Variants in HS3ST4 observed in about 807,000 individuals in gnomAD.
The protein encoded by HS3ST4 is heparan sulfate glucosamine 3-O-sulfotransferase 4.
A neutral mutation model predicts 29.2 loss-of-function variants in HS3ST4; 17 were observed. The ratio of observed to expected loss-of-function variants is 0.58; its 90% confidence interval spans 0.40 to 0.87. The LOEUF (loss-of-function observed/expected upper bound fraction) is 0.87, where lower values mean the gene tolerates loss of function less well. Among genes scored for constraint, HS3ST4 ranks in the 40% least tolerant of loss-of-function variants. HS3ST4 has a pLI of 0.00. For missense variants in HS3ST4, 627 were observed against 634.5 expected (o/e 0.99, Z 0.13); for synonymous variants, 314 against 285.7 (o/e 1.10, Z -1.00).
intron 1 of HS3ST4, among the ~76,000 whole-genome samples, chr16:26,134,362 C>CT (rs60068546): frequency 0.014 from 1,098 of 76,748 alleles, 16 homozygotes; most frequent in Non-Finnish European, 0.023. Context: ...CTTTTCTTTT[C>CT]TTTTTTTTTT....
At chr16:26,039,876 G>T (rs191639956) in intron 1 of HS3ST4, among the ~76,000 whole-genome samples, 1 of 152,184 alleles carries the variant, frequency 6.6e-6, no homozygotes, top group East Asian at 1.9e-4. Flanking sequence ...ATTGCATGGC[G>T]ATTTTGTCAG....
intron 1 of HS3ST4, among the ~76,000 whole-genome samples, chr16:25,958,357 A>C (rs751439008): frequency 2.6e-5 from 4 of 152,100 alleles, no homozygotes; most frequent in Non-Finnish European, 5.9e-5. Context: ...CTTGAGAAGG[A>C]GTCTTGCCCT....
intron 1 of HS3ST4, among the ~76,000 whole-genome samples, chr16:25,901,331 G>A (rs985107341): frequency 3.3e-5 from 5 of 152,158 alleles, no homozygotes; most frequent in African/African-American, 4.8e-5. Context: ...AATATCCCAC[G>A]TCCAGCTCCA....
chr16:26,102,530 C>A (rs746641468), intron 1 of HS3ST4, among the ~76,000 whole-genome samples: 30 of 152,276 alleles, frequency 2.0e-4, no homozygotes, highest in Admixed American at 3.9e-4. Flanking sequence ...TGTAAAATGC[C>A]ATTCCTTGAA....
intron 1 of HS3ST4, among the ~76,000 whole-genome samples, chr16:25,956,087 A>AT (rs1968729153): frequency 6.6e-6 from 1 of 152,186 alleles, no homozygotes; most frequent in Non-Finnish European, 1.5e-5. Flanking sequence ...AAGTGCTGGG[A>AT]TTACGGGTGT....
At chr16:25,774,034 C>A (rs1966845288) in intron 1 of HS3ST4, among the ~76,000 whole-genome samples, 1 of 152,098 alleles carries the variant, frequency 6.6e-6, no homozygotes, top group African/African-American at 2.4e-5. Context: ...CTTGTGGGAG[C>A]TCCTAGGAAG....
chr16:26,028,748 AGTT>A (rs10584548), intron 1 of HS3ST4, among the ~76,000 whole-genome samples: 16,523 of 152,202 alleles, frequency 0.11, 2,224 homozygotes, highest in African/African-American at 0.31. Context: ...GATATTGAAC[AGTT>A]GTTGACATAT....
intron 1 of HS3ST4, among the ~76,000 whole-genome samples, chr16:26,095,123 T>TA (rs1898907237): frequency 6.6e-6 from 1 of 152,176 alleles, no homozygotes; most frequent in African/African-American, 2.4e-5. Flanking sequence ...AAACAAGTTT[T>TA]TAGAGACCTA....
rs549400678 is a variant in HS3ST4, at chr16:25,805,106, G to A, written c.734+111955G>A. ...TTGGTTGATTGCTTGGATGAGTGGTGTCAACCTAAAAAATTTTCAGAGGAA... is the reference window on the plus strand; with the variant it reads ...TTGGTTGATTGCTTGGATGAGTGGTATCAACCTAAAAAATTTTCAGAGGAA... On this transcript the variant is annotated intron_variant, in intron 1 of 1. Transcript: ENST00000331351. 2.6e-5 allele frequency among the ~76,000 whole-genome samples: 4 copies of A among 152,150 alleles called. No individual in the cohort carries two copies. The East Asian group carries it at 7.8e-4, about 30-fold the overall frequency.
At chr16:25,915,911 G>A (rs1968288985) in intron 1 of HS3ST4, among the ~76,000 whole-genome samples, 1 of 152,186 alleles carries the variant, frequency 6.6e-6, no homozygotes, top group African/African-American at 2.4e-5. Context: ...AGTTGTTGGA[G>A]GATTAAGTGA....
At chr16:25,799,725 G>A (rs1337055860) in intron 1 of HS3ST4, among the ~76,000 whole-genome samples, 1 of 152,148 alleles carries the variant, frequency 6.6e-6, no homozygotes, top group African/African-American at 2.4e-5. Flanking sequence ...CTACATGGTT[G>A]TTAGGGCTAA....
chr16:25,870,158 C>A (rs570007948), intron 1 of HS3ST4, among the ~76,000 whole-genome samples: 12 of 152,120 alleles, frequency 7.9e-5, no homozygotes, highest in African/African-American at 2.6e-4. Flanking sequence ...TCCATCTATC[C>A]ATCATTTGCC....
intron 1 of HS3ST4, among the ~76,000 whole-genome samples, chr16:26,042,211 G>A (rs1238367841): frequency 6.6e-6 from 1 of 152,182 alleles, no homozygotes; most frequent in African/African-American, 2.4e-5. Context: ...CAGACTGAAT[G>A]TTGACAGAGA....
At chr16:25,762,320 A>G (rs60812203) in intron 1 of HS3ST4, among the ~76,000 whole-genome samples, 21,857 of 152,204 alleles carry the variant, frequency 0.14, 1,674 homozygotes, top group African/African-American at 0.2. Flanking sequence ...GTCAGATTCC[A>G]GAGCCCATAC....
intron 1 of HS3ST4, among the ~76,000 whole-genome samples, chr16:25,917,430 C>G (rs1188078958): frequency 1.3e-5 from 2 of 152,100 alleles, no homozygotes; most frequent in Admixed American, 1.3e-4. Context: ...CCAGGCTGGT[C>G]TTGAACTCCT....
chr16:26,035,573 A>G (rs1375190840), intron 1 of HS3ST4, among the ~76,000 whole-genome samples: 1 of 152,214 alleles, frequency 6.6e-6, no homozygotes, highest in African/African-American at 2.4e-5. Context: ...TCAGTCTCCC[A>G]TATATAATTA....
chr16:26,057,734 C>T (rs1225885903), intron 1 of HS3ST4, among the ~76,000 whole-genome samples: 2 of 151,442 alleles, frequency 1.3e-5, no homozygotes, highest in Non-Finnish European at 2.9e-5. Context: ...CAGAATGAGG[C>T]TCTGTCTCTA....
intron 1 of HS3ST4, among the ~76,000 whole-genome samples, chr16:25,971,447 T>G (rs757073505): frequency 6.6e-6 from 1 of 152,192 alleles, no homozygotes; most frequent in Non-Finnish European, 1.5e-5. Context: ...CAGAGGCTAC[T>G]TTTTAGTAAA....
chr16:25,876,335 G>A (rs1037676925), intron 1 of HS3ST4, among the ~76,000 whole-genome samples: 15 of 152,110 alleles, frequency 9.9e-5, no homozygotes, highest in African/African-American at 3.6e-4. Flanking sequence ...TCCATGGGTA[G>A]GTATGGCCTC....
Sources: allele counts gnomAD v4.1 joint callset (sites outside exome capture counted in the v4.1 genomes callset), GRCh38; gene constraint gnomAD v4.1.1; transcripts MANE v1.5; gene names NCBI Gene and HGNC (gene_info 2026-07-23, HGNC 2026-07-21).